Variants in POU6F2 observed in about 807,000 individuals in gnomAD.
POU6F2 encodes POU domain, class 6, transcription factor 2.
In POU6F2, 31 loss-of-function variants were observed where a neutral mutation model predicts 71.3. The ratio of observed to expected loss-of-function variants is 0.43; its 90% CI spans 0.33 to 0.59. The LOEUF (loss-of-function observed/expected upper bound fraction) is 0.59. Among genes scored for constraint, POU6F2 ranks in the 20% least tolerant of loss-of-function variants. POU6F2 has a pLI of 0.04. For synonymous variants in POU6F2, 347 were observed against 355.7 expected, an observed-to-expected ratio of 0.98 and a Z score of 0.27; for missense variants, 783 against 856.8, an observed-to-expected ratio of 0.91 and a Z score of 1.07.
chr7:39,015,834 TATA>T (rs1789491955), intron 1 of POU6F2, among the ~76,000 whole-genome samples: 2 of 45,470 alleles, frequency 4.4e-5, no homozygotes, highest in Non-Finnish European at 9.0e-5. Context: ...TATATAGATA[TATA>T]ATATATTATA....
intron 1 of POU6F2, among the ~76,000 whole-genome samples, chr7:38,998,830 T>A (rs1201605599): frequency 1.4e-5 from 2 of 143,936 alleles, no homozygotes; most frequent in Admixed American, 6.9e-5. Context: ...TTTTTTTTTT[T>A]TTTTTTTTTA....
intron 2 of POU6F2, among the ~76,000 whole-genome samples, chr7:39,179,156 A>G (rs1186295924): frequency 6.6e-6 from 1 of 152,204 alleles, no homozygotes; most frequent in Non-Finnish European, 1.5e-5. Context: ...AGTCACTGCT[A>G]CTATATCAAG....
chr7:39,372,100 T>C (rs2115756798), intron 5 of POU6F2, among the ~76,000 whole-genome samples: 1 of 152,280 alleles, frequency 6.6e-6, no homozygotes, highest in Middle Eastern at 3.4e-3. Context: ...TTAAAATTTT[T>C]TGTAGGAATG....
chr7:39,027,084 TA>T (rs1789824310), intron 1 of POU6F2, among the ~76,000 whole-genome samples: 1 of 152,140 alleles, frequency 6.6e-6, no homozygotes, highest in Admixed American at 6.6e-5. Context: ...TTAGGATTAG[TA>T]AAAGACATAA....
chr7:39,338,277 T>C (rs1785824659), intron 4 of POU6F2, among the ~76,000 whole-genome samples: 1 of 152,186 alleles, frequency 6.6e-6, no homozygotes, highest in African/African-American at 2.4e-5. Context: ...TAAAATGTGA[T>C]TTTGTAAACT....
chr7:39,246,076 T>A (rs1247027608), intron 4 of POU6F2, among the ~76,000 whole-genome samples: 1 of 152,210 alleles, frequency 6.6e-6, no homozygotes. Context: ...GTTAACCAAG[T>A]TGAAAGTGAA....
At chr7:39,056,418 A>G (rs2128714889) in intron 1 of POU6F2, among the ~76,000 whole-genome samples, 1 of 152,264 alleles carries the variant, frequency 6.6e-6, no homozygotes, top group South Asian at 2.1e-4. Context: ...GTATAACAAT[A>G]TATTCGAACA....
chr7:39,424,064 T>C (rs1044101151), intron 6 of POU6F2, among the ~76,000 whole-genome samples: 2 of 152,212 alleles, frequency 1.3e-5, no homozygotes, highest in Admixed American at 6.5e-5. Flanking sequence ...GAGGACCCAC[T>C]TCCTGGTCAC....
chr7:39,307,808 A>C (rs1437237628), intron 4 of POU6F2, among the ~76,000 whole-genome samples: 1 of 152,138 alleles, frequency 6.6e-6, no homozygotes, highest in Non-Finnish European at 1.5e-5. Context: ...TCTCTACTAA[A>C]AATACAAAAA....
intron 4 of POU6F2, among the ~76,000 whole-genome samples, chr7:39,266,695 C>CTTTTTTTTT (rs35508359): frequency 9.5e-6 from 1 of 105,102 alleles, no homozygotes; most frequent in African/African-American, 3.9e-5. Context: ...CGCACCTGGC[C>CTTTTTTTTT]TTTTTTTTTT....
chr7:39,047,680 T>C (rs1394415092), intron 1 of POU6F2, among the ~76,000 whole-genome samples: 4 of 151,964 alleles, frequency 2.6e-5, no homozygotes, highest in African/African-American at 9.7e-5. Flanking sequence ...TCTTTTCCAG[T>C]GTAGATGCAC....
At chr7:39,051,121 A>G (rs1790392485) in intron 1 of POU6F2, among the ~76,000 whole-genome samples, 1 of 151,936 alleles carries the variant, frequency 6.6e-6, no homozygotes, top group Non-Finnish European at 1.5e-5. Flanking sequence ...GTGCTCTGCA[A>G]TGGGCCTTAG....
At chr7:39,361,222 C>T (rs967597946) in intron 5 of POU6F2, among the ~76,000 whole-genome samples, 4 of 152,162 alleles carry the variant, frequency 2.6e-5, no homozygotes, top group Non-Finnish European at 5.9e-5. Flanking sequence ...CTCTGCAAAG[C>T]GGACTCCTTG....
At chr7:39,292,818 T>A (rs4582444) in intron 4 of POU6F2, among the ~76,000 whole-genome samples, 69,542 of 151,964 alleles carry the variant, frequency 0.46, 16,715 homozygotes, top group Admixed American at 0.59. Flanking sequence ...CTGGGAACGT[T>A]AAGCTGTTTT....
intron 4 of POU6F2, among the ~76,000 whole-genome samples, chr7:39,326,410 A>G (rs1004611487): frequency 6.6e-6 from 1 of 152,268 alleles, no homozygotes; most frequent in African/African-American, 2.4e-5. Flanking sequence ...GTGTGAAGGC[A>G]AGATTCTCTG....
intron 2 of POU6F2, among the ~76,000 whole-genome samples, chr7:39,119,396 A>G (rs1791997220): frequency 6.6e-6 from 1 of 152,238 alleles, no homozygotes; most frequent in Admixed American, 6.5e-5. Context: ...CTTAATTGTA[A>G]AAAATAAATA....
intron 5 of POU6F2, among the ~76,000 whole-genome samples, chr7:39,392,353 G>C (rs1787089782): frequency 6.6e-6 from 1 of 152,198 alleles, no homozygotes; most frequent in Admixed American, 6.5e-5. Context: ...CTGAGAATTT[G>C]CATTTTTAAC....
chr7:39,157,446 C>T lies in POU6F2; in HGVS notation c.278-46789C>T, dbSNP rs911708284. 3.3e-5 allele frequency among the ~76,000 whole-genome samples: 5 copies of T among 151,970 alleles called. No individual in the cohort carries two copies. The East Asian group carries it at 5.8e-4, about 18-fold the overall frequency. On this transcript the variant is annotated intron_variant, in intron 2 of 9. Coordinates refer to ENST00000518318, the MANE Select transcript of POU6F2 (RefSeq NM_001370959.1). Reference sequence around the variant, plus strand: ...ATTTATTATCGATTTTTTAAAAATACATTTAACATTACTGGTTATTGCAAA... The same window carrying T: ...ATTTATTATCGATTTTTTAAAAATATATTTAACATTACTGGTTATTGCAAA...
chr7:39,452,505 T>C (rs1189479536), intron 8 of POU6F2, among the ~76,000 whole-genome samples: 1 of 152,176 alleles, frequency 6.6e-6, no homozygotes, highest in African/African-American at 2.4e-5. Context: ...CCAGTAGCTA[T>C]GGGTGCCTGC....
Sources: allele counts gnomAD v4.1 joint callset (sites outside exome capture counted in the v4.1 genomes callset), GRCh38; gene constraint gnomAD v4.1.1; transcripts MANE v1.5; gene names NCBI Gene and HGNC (gene_info 2026-07-23, HGNC 2026-07-21).